Variants in TTBK1 observed in about 807,000 individuals in gnomAD.
TTBK1 encodes the protein tau-tubulin kinase 1.
In TTBK1, 34 loss-of-function variants were observed where a neutral mutation model predicts 108.5. The ratio of observed to expected loss-of-function variants is 0.31; its 90% confidence interval spans 0.24 to 0.42. TTBK1 has a LOEUF of 0.42. TTBK1 is among the 10% of genes least tolerant of loss of function. The pLI is 1.00. For synonymous variants in TTBK1, 809 were observed against 795.1 expected, an observed-to-expected ratio of 1.02 and a Z score of -0.29; for missense variants, 1,539 against 1,826.0, an observed-to-expected ratio of 0.84 and a Z score of 2.86.
intron 10 of TTBK1, among the ~76,000 whole-genome samples, chr6:43,258,506 A>T (rs1442097912): frequency 6.6e-6 from 1 of 152,118 alleles, no homozygotes; most frequent in African/African-American, 2.4e-5. Flanking sequence ...TAGGAAGGAG[A>T]CTTAACAGGA....
intron 2 of TTBK1, among the ~76,000 whole-genome samples, chr6:43,252,182 CTGTGTGTGTGTGTGTG>C (rs58985204): frequency 1.9e-4 from 26 of 140,118 alleles, no homozygotes; most frequent in South Asian, 9.6e-4. Context: ...ACATCTGGCT[CTGTGTGTGTGTGTGTG>C]TGTGTGTGTG....
chr6:43,245,372 A>G (rs1303882780), intron 1 of TTBK1, among the ~76,000 whole-genome samples: 1 of 152,128 alleles, frequency 6.6e-6, no homozygotes, highest in Non-Finnish European at 1.5e-5. Context: ...AGAAGAGGAA[A>G]ATATCCTGGT....
At chr6:43,281,325 G>A (rs749111843) in intron 13 of TTBK1, among the ~76,000 whole-genome samples, 18 of 149,894 alleles carry the variant, frequency 1.2e-4, no homozygotes, top group African/African-American at 3.0e-4. Flanking sequence ...GCAGTGAGCC[G>A]AGATCGTGCC....
In TTBK1 at chr6:43,253,499, G is replaced by C; in HGVS notation, c.331-69G>C. The stretch of plus-strand genomic sequence containing the variant: ...ACCCTTTGGGGTGAGGCTGGGAAGA[G>C]TATCACAATGATGGTGTCTGGGATG... On this transcript the variant is annotated intron_variant, in intron 4 of 14. Transcript: ENST00000259750. This position sits in a 1 kb window ranked among gnomAD's most constrained non-coding sequence, Gnocchi z 5.8. The C allele has an allele frequency of 6.3e-7, 1 of 1,587,456 alleles. No individual in the cohort carries two copies. The highest frequency in any genetic ancestry group is 8.6e-7 in the Non-Finnish European group (1 of 1,166,534).
chr6:43,254,298 A>G (rs1777326291), intron 5 of TTBK1, among the ~76,000 whole-genome samples: 1 of 152,242 alleles, frequency 6.6e-6, no homozygotes, highest in East Asian at 1.9e-4. Context: ...CTTGCTGTGT[A>G]ATCTCAGAGA....
chr6:43,263,309 C>T lies in TTBK1; in HGVS notation c.1945C>T (p.Pro649Ser), dbSNP rs1582494988. 6.7e-7 allele frequency: 1 copy of T among 1,485,056 alleles called. No homozygotes were observed. Among genetic ancestry groups the T allele is most frequent in the African/African-American group, 1.4e-5 (1 of 71,086 alleles). The allele number at this position is 1,485,056 out of a possible 1,614,324, so 92.0% of individuals were successfully genotyped here. ...CTCACCCCTGCACTCGGGACCCCGC[C>T]CTCGACGGAGAGAGTCGGACCCCAC... ...SHSPLHSGPR[P>S]RRRESDPTGP... Residue 649 changes from proline (P) to serine (S), a missense_variant, in exon 13 of 15, where the codon CCT (proline) becomes TCT (serine). By Grantham distance (74) the Pro-to-Ser change is moderately conservative. Coordinates refer to ENST00000259750, the MANE Select transcript of TTBK1 (RefSeq NM_032538.3). This position sits in a 1 kb window ranked among gnomAD's most constrained non-coding sequence, Gnocchi z 4.7.
Position 43,257,370 on chromosome 6 carries a change from T to C in TTBK1, c.862-442T>C, listed in dbSNP as rs570446458. ...GATGCACTGTGCCCTGTAGGGCAGC[T>C]GTATGGTGGAGAGAATTTACGGTGA... On this transcript the variant is annotated intron_variant, in intron 9 of 14. Transcript: ENST00000259750. The surrounding 1 kb of genome is among the most constrained non-coding windows in gnomAD (Gnocchi z 4.5). Among the ~76,000 whole-genome samples, 250 of 152,266 alleles carry C rather than the reference T, an allele frequency of 1.6e-3. No individual in the cohort carries two copies. The highest frequency in any genetic ancestry group is 2.8e-3 in the Non-Finnish European group (189 of 68,010).
chr6:43,266,998 C>CGTGTGTGTGTGTGTGTGT (rs3997628), intron 13 of TTBK1, among the ~76,000 whole-genome samples: 1 of 128,106 alleles, frequency 7.8e-6, no homozygotes, highest in Admixed American at 7.8e-5. Flanking sequence ...CTGGAGCATG[C>CGTGTGTGTGTGTGTGTGT]GTGTGTGTGT....
rs149402054 is a variant in TTBK1 at position 43,265,972 on chromosome 6, G to C, written c.1986+2622G>C. 6.6e-6 allele frequency among the ~76,000 whole-genome samples: 1 copy of C among 152,124 alleles called. No individual in the cohort carries two copies. Among genetic ancestry groups the C allele is most frequent in the African/African-American group, 2.4e-5 (1 of 41,434 alleles). On this transcript the variant is annotated intron_variant, in intron 13 of 14. Coordinates refer to ENST00000259750, the MANE Select transcript of TTBK1 (RefSeq NM_032538.3). The surrounding 1 kb of genome is among the most constrained non-coding windows in gnomAD (Gnocchi z 4.1). ...TCACTTTGGGGAATTCTGGCCAAGCGGGTGGGGAGAGAGAGATTTGGTGGG... is the reference window on the plus strand; with the variant it reads ...TCACTTTGGGGAATTCTGGCCAAGCCGGTGGGGAGAGAGAGATTTGGTGGG...
chr6:43,248,170 G>C (rs966864601), intron 2 of TTBK1: 2 of 152,314 alleles, frequency 1.3e-5, no homozygotes, highest in Admixed American at 6.5e-5. Flanking sequence ...TGATTTCTGA[G>C]GGAAGGAGTA....
At chr6:43,254,706 C>G (rs1193769819) in intron 6 of TTBK1, 55 bp downstream of exon 6, 1 of 1,461,810 alleles carries the variant, frequency 6.8e-7, no homozygotes, top group African/African-American at 1.4e-5. Context: ...ACTCCCAGAT[C>G]TGGGGACCCT....
intron 12 of TTBK1, among the ~76,000 whole-genome samples, chr6:43,261,872 T>C (rs1359980974): frequency 1.3e-5 from 2 of 150,906 alleles, no homozygotes; most frequent in Non-Finnish European, 2.9e-5. Flanking sequence ...TCAATGCCCT[T>C]GGGGTAAAGT....
At chr6:43,274,161 C>T (rs1777903689) in intron 13 of TTBK1, among the ~76,000 whole-genome samples, 1 of 152,210 alleles carries the variant, frequency 6.6e-6, no homozygotes, top group Non-Finnish European at 1.5e-5. Context: ...ACATCCCCCA[C>T]ACACTCAAGG....
chr6:43,246,096 T>G (rs1777078234), intron 1 of TTBK1, among the ~76,000 whole-genome samples: 1 of 152,228 alleles, frequency 6.6e-6, no homozygotes, highest in Non-Finnish European at 1.5e-5. Flanking sequence ...CTCATTTTCT[T>G]GATTACCACA....
At chr6:43,271,907 TC>T (rs1011233466) in intron 13 of TTBK1, 5 of 879,194 alleles carry the variant, frequency 5.7e-6, no homozygotes, top group Non-Finnish European at 6.8e-6. Flanking sequence ...CTTTTGAATC[TC>T]CCCAAACCCA....
intron 2 of TTBK1, among the ~76,000 whole-genome samples, chr6:43,249,835 C>T (rs899385096): frequency 6.6e-5 from 10 of 152,096 alleles, no homozygotes; most frequent in African/African-American, 2.4e-4. Context: ...CCTCAGCCTC[C>T]CAAAGTACTG....
At chr6:43,254,439 T>C (rs1449332988) in intron 5 of TTBK1, 108 bp from the exon 6 acceptor site, 34 of 713,896 alleles carry the variant, frequency 4.8e-5, no homozygotes, top group Middle Eastern at 2.5e-4. Context: ...GGCGAGTGAA[T>C]GTGGGGCTGA....
At chr6:43,261,995 T>C (rs1175628485) in intron 12 of TTBK1, among the ~76,000 whole-genome samples, 1 of 151,958 alleles carries the variant, frequency 6.6e-6, no homozygotes. Flanking sequence ...GCACTAATCC[T>C]TGTAGGATGG....
At position 43,265,885 on chromosome 6, in the gene TTBK1, C is replaced by T. The variant is rs76768732; in HGVS notation, c.1986+2535C>T. Among the ~76,000 whole-genome samples, 3 of 152,184 alleles carry T rather than the reference C, an allele frequency of 2.0e-5. No individual in the cohort carries two copies. The highest frequency in any genetic ancestry group is 7.2e-5 in the African/African-American group (3 of 41,536). On this transcript the variant is annotated intron_variant, in intron 13 of 14. Coordinates refer to ENST00000259750, the MANE Select transcript of TTBK1 (RefSeq NM_032538.3). This position sits in a 1 kb window ranked among gnomAD's most constrained non-coding sequence, Gnocchi z 4.1. ...CCAGGTGAGGGAGCTGAGGTTCTTC[C>T]GAGGTTCATCTCTAAAGTTTTTCTT...
Sources: allele counts gnomAD v4.1 joint callset (sites outside exome capture counted in the v4.1 genomes callset), GRCh38; gene constraint gnomAD v4.1.1; non-coding constraint Gnocchi (gnomAD v3.1); transcripts MANE v1.5; gene names NCBI Gene and HGNC (gene_info 2026-07-23, HGNC 2026-07-21).